The following EYS variants were observed in gnomAD, a reference collection of about 807,000 sequenced individuals.
The protein encoded by EYS is protein eyes shut homolog.
EYS carries 250 observed loss-of-function variants against 282.1 expected under a neutral mutation model. The observed-to-expected ratio is 0.89, with a 90% confidence interval of 0.80 to 0.98. EYS has a LOEUF of 0.98. Ranked by LOEUF, EYS falls within the 50% of genes least tolerant of loss-of-function variation. The pLI is 0.00. For missense variants in EYS, 4,016 were observed against 3,709.0 expected (o/e 1.08, Z -2.15); for synonymous variants, 1,355 against 1,282.9 (o/e 1.06, Z -1.20).
chr6:64,760,498 A>T (rs1773123585), intron 22 of EYS, among the ~76,000 whole-genome samples: 1 of 152,098 alleles, frequency 6.6e-6, no homozygotes. Context: ...AGAAAGAGAG[A>T]GAGTGAGTCC....
At chr6:64,624,164 G>C (rs1767530447) in intron 23 of EYS, among the ~76,000 whole-genome samples, 1 of 152,098 alleles carries the variant, frequency 6.6e-6, no homozygotes. Context: ...GAGATCTTCT[G>C]CTTCCCAATA....
At position 64,338,139 on chromosome 6, in the gene EYS, A is replaced by G. The variant is rs550359704; in HGVS notation, c.6079-31057T>C. Among the ~76,000 whole-genome samples the G allele has an allele frequency of 7.2e-5, 11 of 152,082 alleles. No homozygotes were observed. In the South Asian group the frequency reaches 1.7e-3, roughly 23 times the overall value. On this transcript the variant is annotated intron_variant, in intron 29 of 42. Coordinates refer to ENST00000503581, the MANE Select transcript of EYS (RefSeq NM_001142800.2). ...TGAAAGTTTTAGGCAGAGCAGTCAGACAAGAGAAGGAAATAAAGGGCATCC... is the reference window on the plus strand; with the variant it reads ...TGAAAGTTTTAGGCAGAGCAGTCAGGCAAGAGAAGGAAATAAAGGGCATCC...
At chr6:65,312,332 C>A (rs1391172376) in intron 11 of EYS, among the ~76,000 whole-genome samples, 1 of 151,618 alleles carries the variant, frequency 6.6e-6, no homozygotes, top group African/African-American at 2.4e-5. Context: ...ATTAAGTGAT[C>A]AGTTATTGCT....
At chr6:64,967,194 CT>C (rs1408323719) in intron 14 of EYS, among the ~76,000 whole-genome samples, 2 of 152,212 alleles carry the variant, frequency 1.3e-5, no homozygotes, top group Middle Eastern at 3.4e-3. Context: ...GCCAGAATTA[CT>C]TTTCTAAAAA....
chr6:64,511,818 T>TGG (rs66891090), intron 26 of EYS, among the ~76,000 whole-genome samples: 100 of 149,254 alleles, frequency 6.7e-4, no homozygotes, highest in Middle Eastern at 3.5e-3. Flanking sequence ...TACTAAATTT[T>TGG]GGGGGGGGGT....
chr6:64,125,158 C>G (rs530175564), intron 31 of EYS, among the ~76,000 whole-genome samples: 2 of 150,284 alleles, frequency 1.3e-5, no homozygotes, highest in African/African-American at 2.5e-5. Context: ...CTCTCTGTCT[C>G]TCTCTCTCTC....
chr6:65,107,756 T>C (rs78347013), intron 12 of EYS, among the ~76,000 whole-genome samples: 4,025 of 152,094 alleles, frequency 0.026, 62 homozygotes, highest in African/African-American at 0.043. Flanking sequence ...TCTCATTTGT[T>C]AATGTCTAAT....
Position 64,436,270 on chromosome 6 carries a change from T to C in EYS, c.5836-5A>G, listed in dbSNP as rs2150463991. The C allele has an allele frequency of 1.3e-6, 2 of 1,523,458 alleles. No homozygotes were observed. The highest frequency in any genetic ancestry group is 2.5e-5 in the East Asian group (1 of 40,382). 94.4% of individuals were successfully genotyped at this position (1,523,458 alleles called of 1,614,324 possible). A position where few individuals can be genotyped will look rare whatever the true frequency, so the allele number is the denominator to read the frequency against. On this transcript the variant is annotated splice_region_variant and splice_polypyrimidine_tract_variant and intron_variant, in intron 27 of 42. Coordinates refer to ENST00000503581, the MANE Select transcript of EYS (RefSeq NM_001142800.2). ...ACCAGGACAGTAAAAGTGGTACTGT[T>C]GGGGGAAAAAATTTTGTCCTCAAAC...
chr6:65,402,422 CAT>C lies in EYS; in HGVS notation c.1184+54_1184+55del. 3.3e-6 allele frequency: 4 copies of C among 1,214,152 alleles called. No homozygotes were observed. The South Asian group carries it at 3.8e-5, about 11-fold the overall frequency. The allele number at this position is 1,214,152 out of a possible 1,614,324, so 75.2% of individuals were successfully genotyped here. On this transcript the variant is annotated intron_variant, in intron 7 of 42. Coordinates refer to ENST00000503581, the MANE Select transcript of EYS (RefSeq NM_001142800.2). ...CAGAACATCATTATATTTTTGTTCA[CAT>C]GATTTAAAAATCCATGTACTTTGTA...
intron 16 of EYS, among the ~76,000 whole-genome samples, chr6:64,910,901 C>T (rs910417761): frequency 6.6e-6 from 1 of 152,038 alleles, no homozygotes; most frequent in East Asian, 1.9e-4. Flanking sequence ...AGAAAATTAT[C>T]TCTGGTGAAA....
chr6:64,756,427 GAC>G (rs1444246309), intron 22 of EYS, among the ~76,000 whole-genome samples: 1 of 152,046 alleles, frequency 6.6e-6, no homozygotes, highest in Non-Finnish European at 1.5e-5. Context: ...ATGGGAATGG[GAC>G]CATGGCAGAA....
intron 35 of EYS, among the ~76,000 whole-genome samples, chr6:63,933,586 C>T (rs898309998): frequency 6.6e-6 from 1 of 152,198 alleles, no homozygotes; most frequent in Non-Finnish European, 1.5e-5. Flanking sequence ...ACTCTACCTT[C>T]AGCCCCTCTC....
intron 12 of EYS, among the ~76,000 whole-genome samples, chr6:65,207,887 G>A (rs1582018359): frequency 6.6e-6 from 1 of 151,734 alleles, no homozygotes; most frequent in Non-Finnish European, 1.5e-5. Flanking sequence ...ATGTATTAAA[G>A]ATCTGAATGT....
At chr6:65,691,425 G>C (rs922227218) in intron 1 of EYS, among the ~76,000 whole-genome samples, 1 of 150,090 alleles carries the variant, frequency 6.7e-6, no homozygotes, top group Non-Finnish European at 1.5e-5. Flanking sequence ...TTTTTGATAG[G>C]GTTGTTTGTT....
intron 35 of EYS, among the ~76,000 whole-genome samples, chr6:63,897,317 T>C (rs1290314778): frequency 1.3e-5 from 2 of 152,190 alleles, no homozygotes. Context: ...TTTATCTGTG[T>C]TTGCAGTTGT....
chr6:63,991,555 C>G (rs746050393), intron 34 of EYS, among the ~76,000 whole-genome samples: 1 of 151,238 alleles, frequency 6.6e-6, no homozygotes, highest in Admixed American at 6.6e-5. Flanking sequence ...ACTGTAATGC[C>G]TGAATTTAAA....
At chr6:64,173,434 T>C (rs1195565266) in intron 31 of EYS, among the ~76,000 whole-genome samples, 1 of 152,174 alleles carries the variant, frequency 6.6e-6, no homozygotes, top group African/African-American at 2.4e-5. Context: ...TAGGAATCAG[T>C]CCTTGGAGTT....
In EYS at chr6:64,288,581, T is replaced by C. The variant is rs74370136; in HGVS notation, c.6191+18389A>G. Among the ~76,000 whole-genome samples, 388 of 152,268 alleles carry C rather than the reference T, an allele frequency of 2.5e-3. 11 individuals carry two copies. The East Asian group carries it at 0.049, about 19-fold the overall frequency. Reference sequence around the variant, plus strand: ...GAGACTGAATCATTGGTCCAACTTATTACCAGACAGCATCTGGCCTGATAA... The same window carrying C: ...GAGACTGAATCATTGGTCCAACTTACTACCAGACAGCATCTGGCCTGATAA... On this transcript the variant is annotated intron_variant, in intron 30 of 42. Coordinates refer to ENST00000503581, the MANE Select transcript of EYS (RefSeq NM_001142800.2).
intron 22 of EYS, among the ~76,000 whole-genome samples, chr6:64,764,197 C>T (rs977579552): frequency 6.6e-5 from 10 of 152,366 alleles, no homozygotes; most frequent in Admixed American, 2.0e-4. Flanking sequence ...TTCTGCACTG[C>T]CCTAGTAGAT....
Sources: gnomAD v4.1 joint callset for allele counts (sites outside exome capture counted in the v4.1 genomes callset) on GRCh38, gnomAD v4.1.1 for gene constraint, MANE v1.5 for transcripts, NCBI Gene and HGNC (gene_info 2026-07-23, HGNC 2026-07-21) for gene names.